Variants in TOX observed in about 807,000 individuals in gnomAD.
The protein encoded by TOX is thymocyte selection associated high mobility group box, also known as thymocyte selection-associated high mobility group box protein TOX.
Under a neutral mutation model 53.7 loss-of-function variants are expected in TOX, and 11 were observed. The ratio of observed to expected loss-of-function variants is 0.20; its 90% CI spans 0.13 to 0.34. The LOEUF is 0.34. TOX is among the 10% of genes least tolerant of loss of function. TOX has a pLI of 1.00. For synonymous variants in TOX, 225 were observed against 245.3 expected (o/e 0.92, Z 0.77); for missense variants, 570 against 664.6 (o/e 0.86, Z 1.56).
rs548067656 is a variant in TOX, at chr8:58,806,471, C to T, written c.*1276G>A. ...GAATTGACTAGAACCAGCTGAGAAC[C>T]AAGAAGTAACCTTTTTAAGACAGAG... is the stretch of plus-strand genomic sequence containing the variant. On this transcript the variant is annotated 3_prime_UTR_variant, in exon 9 of 9. Transcript: ENST00000361421. 1.3e-5 allele frequency: 2 copies of T among 152,214 alleles called. No individual in the cohort carries two copies. Among genetic ancestry groups the T allele is most frequent in the South Asian group, 2.1e-4 (1 of 4,810 alleles). 9.4% of individuals were successfully genotyped at this position (152,214 alleles called of 1,614,324 possible).
chr8:58,859,258 C>T (rs1810966659), intron 3 of TOX, among the ~76,000 whole-genome samples: 1 of 152,038 alleles, frequency 6.6e-6, no homozygotes, highest in South Asian at 2.1e-4. Flanking sequence ...AATACATATG[C>T]ACAGAACTTG....
chr8:59,011,657 C>T (rs1813907460), intron 1 of TOX, among the ~76,000 whole-genome samples: 1 of 152,062 alleles, frequency 6.6e-6, no homozygotes, highest in Admixed American at 6.5e-5. Flanking sequence ...AGGTATTTAA[C>T]CTCTCTCCTC....
chr8:58,941,999 G>C lies in TOX; in HGVS notation c.169-2455C>G, dbSNP rs1359943009. ...ACCCAGGAAGCGGAGGTTGCGGTGA[G>C]CTGAGAGCGTGCCACGACACTCCAG... On this transcript the variant is annotated intron_variant, in intron 2 of 8. Transcript: ENST00000361421. Among the ~76,000 whole-genome samples the C allele has an allele frequency of 2.0e-5, 3 of 149,720 alleles. No homozygotes were observed. The East Asian group carries it at 5.9e-4, about 30-fold the overall frequency.
At chr8:58,891,276 A>G (rs1811556568) in intron 3 of TOX, among the ~76,000 whole-genome samples, 1 of 152,172 alleles carries the variant, frequency 6.6e-6, no homozygotes, top group African/African-American at 2.4e-5. Flanking sequence ...ACAGAGACAT[A>G]TTAGAAGGTC....
intron 3 of TOX, among the ~76,000 whole-genome samples, chr8:58,909,464 T>C (rs1275150568): frequency 6.6e-6 from 1 of 152,298 alleles, no homozygotes; most frequent in African/African-American, 2.4e-5. Flanking sequence ...ACTTGGTGAT[T>C]TGTATGGACA....
chr8:58,920,626 G>A (rs1275627855), intron 3 of TOX, among the ~76,000 whole-genome samples: 1 of 109,550 alleles, frequency 9.1e-6, no homozygotes, highest in African/African-American at 3.6e-5. Flanking sequence ...GTTAGTGGGT[G>A]CAGTGCACCA....
At chr8:59,065,084 A>C (rs1027754531) in intron 1 of TOX, among the ~76,000 whole-genome samples, 1 of 152,214 alleles carries the variant, frequency 6.6e-6, no homozygotes, top group African/African-American at 2.4e-5. Flanking sequence ...ACACGCCAGC[A>C]TATTAGTGAG....
intron 1 of TOX, among the ~76,000 whole-genome samples, chr8:59,049,779 C>T (rs1231783151): frequency 6.6e-6 from 1 of 152,154 alleles, no homozygotes; most frequent in Non-Finnish European, 1.5e-5. Context: ...AGTTAAACCA[C>T]TTCTATGGAT....
chr8:58,808,699 G>A (rs1424983625), intron 7 of TOX, among the ~76,000 whole-genome samples: 30 of 152,182 alleles, frequency 2.0e-4, no homozygotes, highest in Admixed American at 2.0e-3. Context: ...GTGGCTGAGT[G>A]TTTTATTAGA....
At chr8:58,829,297 C>T (rs1362651836) in intron 5 of TOX, among the ~76,000 whole-genome samples, 1 of 152,172 alleles carries the variant, frequency 6.6e-6, no homozygotes, top group Admixed American at 6.5e-5. Context: ...TGCATAGATG[C>T]CCCTGGTTTC....
intron 1 of TOX, among the ~76,000 whole-genome samples, chr8:59,061,241 G>A (rs1195815643): frequency 6.6e-6 from 1 of 152,182 alleles, no homozygotes; most frequent in Non-Finnish European, 1.5e-5. Context: ...TAAATGACTG[G>A]ATCAAAGTAT....
chr8:59,093,378 A>T (rs1804658948), intron 1 of TOX, among the ~76,000 whole-genome samples: 1 of 152,160 alleles, frequency 6.6e-6, no homozygotes, highest in Non-Finnish European at 1.5e-5. Context: ...TTCCCAGTAG[A>T]GCCAAGCACA....
chr8:58,895,914 A>G (rs760598475), intron 3 of TOX, among the ~76,000 whole-genome samples: 7 of 152,224 alleles, frequency 4.6e-5, no homozygotes, highest in Non-Finnish European at 8.8e-5. Context: ...CTGCATCTAC[A>G]AAGCTTCCAG....
At chr8:58,961,829 A>G (rs1161539813) in intron 1 of TOX, among the ~76,000 whole-genome samples, 1 of 152,202 alleles carries the variant, frequency 6.6e-6, no homozygotes, top group Admixed American at 6.5e-5. Flanking sequence ...TCTTTTCAAC[A>G]CAAAGATAGG....
chr8:58,826,483 A>G (rs1810369174), intron 6 of TOX, among the ~76,000 whole-genome samples: 1 of 152,206 alleles, frequency 6.6e-6, no homozygotes, highest in Non-Finnish European at 1.5e-5. Flanking sequence ...GCATGTCCTC[A>G]GTAAAGGCCA....
At chr8:58,819,514 G>T (rs547941379) in intron 6 of TOX, among the ~76,000 whole-genome samples, 140 of 152,286 alleles carry the variant, frequency 9.2e-4, no homozygotes, top group Non-Finnish European at 1.5e-3. Context: ...TAAAGTGGGG[G>T]TCGTGGCCAT....
At chr8:58,830,333 C>T (rs1339882097) in intron 5 of TOX, among the ~76,000 whole-genome samples, 1 of 152,108 alleles carries the variant, frequency 6.6e-6, no homozygotes. Context: ...AGTGGCTAAA[C>T]TAAAACATAT....
At chr8:58,886,960 C>T (rs1027821726) in intron 3 of TOX, among the ~76,000 whole-genome samples, 52 of 151,692 alleles carry the variant, frequency 3.4e-4, no homozygotes, top group Admixed American at 2.3e-3. Context: ...ATTAGGTTTC[C>T]TCTGTAAACA....
intron 1 of TOX, among the ~76,000 whole-genome samples, chr8:59,062,653 G>C (rs574651092): frequency 6.6e-6 from 1 of 152,272 alleles, no homozygotes; most frequent in South Asian, 2.1e-4. Flanking sequence ...GTTGTTCCCA[G>C]TGACAGAGGT....
Sources: allele counts gnomAD v4.1 joint callset (sites outside exome capture counted in the v4.1 genomes callset), GRCh38; gene constraint gnomAD v4.1.1; transcripts MANE v1.5; gene names NCBI Gene and HGNC (gene_info 2026-07-23, HGNC 2026-07-21).